The following FAM91A1 variants were observed in gnomAD, a reference collection of about 807,000 sequenced individuals.
FAM91A1 encodes family with sequence similarity 91 member A1, also known as protein FAM91A1.
FAM91A1 carries 41 observed loss-of-function variants against 113.5 expected under a neutral mutation model. The ratio of observed to expected loss-of-function variants is 0.36; its 90% CI spans 0.28 to 0.47. The LOEUF (loss-of-function observed/expected upper bound fraction) is 0.47. Among genes scored for constraint, FAM91A1 ranks in the 20% least tolerant of loss-of-function variants. The pLI is 1.00. For synonymous variants in FAM91A1, 307 were observed against 347.9 expected, an observed-to-expected ratio of 0.88 and a Z score of 1.31; for missense variants, 696 against 1,001.2, an observed-to-expected ratio of 0.70 and a Z score of 4.11.
At chr8:123,780,104 T>A in intron 7 of FAM91A1, 29 bp downstream of exon 7, 2 of 1,588,684 alleles carry the variant, frequency 1.3e-6, no homozygotes, top group Non-Finnish European at 8.6e-7. Context: ...TGGTCTTTTG[T>A]CAACATAAAA....
chr8:123,809,246 A>G (rs964781225), intron 22 of FAM91A1, among the ~76,000 whole-genome samples: 2 of 152,162 alleles, frequency 1.3e-5, no homozygotes, highest in African/African-American at 4.8e-5. Flanking sequence ...TTTTGATTAT[A>G]TTTATTTAGT....
chr8:123,802,862 C>T (rs1001582556), intron 18 of FAM91A1, among the ~76,000 whole-genome samples: 14 of 152,136 alleles, frequency 9.2e-5, no homozygotes, highest in African/African-American at 3.1e-4. Context: ...AGATAAAGTT[C>T]CCATCTTTTT....
rs1024669311 is a variant in FAM91A1, at chr8:123,799,647, T to G, written c.1688T>G (p.Ile563Arg). ...ACAAGACTTCGAAAACTGCCAGATA[T>G]ATTTCAGGTATGTGTGGGAGGTTTG... ...KGTRLRKLPDIFQSYDRLLIT... is the reference protein window; with the variant it reads ...KGTRLRKLPDRFQSYDRLLIT... Residue 563 changes from isoleucine to arginine, a missense_variant, in exon 17 of 24, where the codon ATA becomes AGA. Physicochemically the swap from Ile to Arg is moderately conservative, Grantham distance 97. Coordinates refer to ENST00000334705, the MANE Select transcript of FAM91A1 (RefSeq NM_144963.4). 1 of 1,613,854 alleles carries G rather than the reference T, an allele frequency of 6.2e-7. No individual in the cohort carries two copies. Among genetic ancestry groups the G allele is most frequent in the Non-Finnish European group, 8.5e-7 (1 of 1,179,940 alleles).
chr8:123,812,147 A>G (rs1051874899), intron 23 of FAM91A1: 5 of 154,744 alleles, frequency 3.2e-5, no homozygotes, highest in Non-Finnish European at 7.0e-5. Flanking sequence ...TGCTGGGATT[A>G]CAGGCGCACA....
At chr8:123,779,947 T>G (rs2130063994) in intron 6 of FAM91A1, 38 bp from the exon 7 acceptor site, 1 of 1,560,056 alleles carries the variant, frequency 6.4e-7, no homozygotes, top group South Asian at 1.1e-5. Context: ...TTAGTTAATT[T>G]GGACAGAACT....
intron 8 of FAM91A1, among the ~76,000 whole-genome samples, chr8:123,782,584 TTATGCTTGAATGGAA>T (rs1334753875): frequency 6.6e-6 from 1 of 152,244 alleles, no homozygotes; most frequent in Non-Finnish European, 1.5e-5. Flanking sequence ...CTGATTTCTG[TTATGCTTGAATGGAA>T]TACCTGTAGG....
intron 14 of FAM91A1, 68 bp downstream of exon 14, chr8:123,787,818 A>G (rs1175293753): frequency 3.2e-6 from 4 of 1,242,588 alleles, no homozygotes; most frequent in African/African-American, 1.5e-5. Flanking sequence ...ACAGAATGCC[A>G]ATTATACAGT....
Position 123,810,324 on chromosome 8 carries a change from A to C in FAM91A1, c.2304A>C (p.Gln768His). Residue 768 changes from glutamine to histidine, a missense_variant, in exon 23 of 24, where the codon CAA (glutamine) becomes CAC (histidine). Gln to His is a conservative substitution (Grantham distance 24, BLOSUM62 0). Transcript: ENST00000334705. The stretch of plus-strand genomic sequence containing the variant: ...ATTCCAGTAGAAAACTCTCTCTGCA[A>C]GTCCTTAACTTTGTTCACTCATTCC... Reference protein sequence around the residue: ...LLHSSRKLSLQVLNFVHSFQE... With the variant: ...LLHSSRKLSLHVLNFVHSFQE... The C allele has an allele frequency of 1.2e-6, 2 of 1,613,504 alleles. No homozygotes were observed. The highest frequency in any genetic ancestry group is 1.7e-6 in the Non-Finnish European group (2 of 1,179,774).
chr8:123,800,500 G>A (rs565940128), intron 18 of FAM91A1, among the ~76,000 whole-genome samples: 15 of 152,224 alleles, frequency 9.9e-5, no homozygotes, highest in Admixed American at 5.2e-4. Flanking sequence ...GGGGACTATT[G>A]TATTGAGTAT....
intron 8 of FAM91A1, among the ~76,000 whole-genome samples, chr8:123,782,245 A>T (rs1238789118): frequency 1.3e-5 from 2 of 152,180 alleles, no homozygotes; most frequent in Non-Finnish European, 2.9e-5. Context: ...GTACAGACAG[A>T]CCCATGGGAT....
Position 123,786,529 on chromosome 8 carries a change from T to C in FAM91A1, c.997T>C (p.Trp333Arg), listed in dbSNP as rs1474043888. The C allele has an allele frequency of 2.5e-6, 4 of 1,613,926 alleles. No homozygotes were observed. Among genetic ancestry groups the C allele is most frequent in the South Asian group, 1.1e-5 (1 of 91,066 alleles). Residue 333 changes from tryptophan to arginine, a missense_variant, in exon 12 of 24, where the codon TGG becomes CGG. Physicochemically the swap from Trp to Arg is moderately radical, Grantham distance 101 (BLOSUM62 -3). Coordinates refer to ENST00000334705, the MANE Select transcript of FAM91A1 (RefSeq NM_144963.4). Reference sequence around the variant, plus strand: ...AGATCCACAGAAGATGCTCTTGTCATGGGATGGAGGGGAAAGTAGGAGTCC... The same window carrying C: ...AGATCCACAGAAGATGCTCTTGTCACGGGATGGAGGGGAAAGTAGGAGTCC... ...TLDPQKMLLSWDGGESRSPVQ... is the reference protein window; with the variant it reads ...TLDPQKMLLSRDGGESRSPVQ...
intron 15 of FAM91A1, among the ~76,000 whole-genome samples, chr8:123,793,844 A>C (rs16898871): frequency 0.2 from 30,622 of 152,112 alleles, 3,363 homozygotes; most frequent in East Asian, 0.33. Context: ...GAAGGAGGAT[A>C]TAGCTACCTT....
At chr8:123,806,365 G>A (rs1378020955) in intron 20 of FAM91A1, 136 bp downstream of exon 20, 2 of 984,772 alleles carry the variant, frequency 2.0e-6, no homozygotes, top group Admixed American at 2.7e-5. Flanking sequence ...TGAAGCACGA[G>A]GAAATATTTT....
chr8:123,775,351 G>A, intron 3 of FAM91A1, 53 bp downstream of exon 3: 3 of 1,574,276 alleles, frequency 1.9e-6, no homozygotes, highest in Non-Finnish European at 2.6e-6. Context: ...CTACATGTCT[G>A]GGACTTTTTG....
intron 18 of FAM91A1, among the ~76,000 whole-genome samples, chr8:123,801,688 G>C (rs1815685928): frequency 6.6e-6 from 1 of 152,178 alleles, no homozygotes; most frequent in South Asian, 2.1e-4. Context: ...GGGGCAAGGA[G>C]AAGGGCTTAG....
At position 123,812,853 on chromosome 8, in the gene FAM91A1, C is replaced by G. The variant is rs1815991286; in HGVS notation, c.*149C>G. ...AAGTTGGGGAACATATTCATGTTTT[C>G]TGAAGTTTTGCTCATTATTGCACAT... On this transcript the variant is annotated 3_prime_UTR_variant, in exon 24 of 24. Coordinates refer to ENST00000334705, the MANE Select transcript of FAM91A1 (RefSeq NM_144963.4). 1 of 751,382 alleles carries G rather than the reference C, an allele frequency of 1.3e-6. No homozygotes were observed. The highest frequency in any genetic ancestry group is 1.8e-5 in the African/African-American group (1 of 54,680). The allele number at this position is 751,382 out of a possible 1,614,324, so 46.5% of individuals were successfully genotyped here.
chr8:123,801,611 A>C (rs73703664), intron 18 of FAM91A1, among the ~76,000 whole-genome samples: 2,942 of 152,312 alleles, frequency 0.019, 94 homozygotes, highest in African/African-American at 0.066. Flanking sequence ...ATAAGCACTC[A>C]GTTTCAGTTT....
At chr8:123,789,308 C>A (rs147841057) in intron 14 of FAM91A1, among the ~76,000 whole-genome samples, 2 of 152,112 alleles carry the variant, frequency 1.3e-5, no homozygotes, top group African/African-American at 4.8e-5. Flanking sequence ...GAGCAGAATA[C>A]GGGTTTTAGA....
intron 15 of FAM91A1, among the ~76,000 whole-genome samples, chr8:123,795,633 G>A (rs950796604): frequency 6.6e-6 from 1 of 152,242 alleles, no homozygotes; most frequent in East Asian, 1.9e-4. Flanking sequence ...TTACGCAGTC[G>A]GAGGTATTTC....
Sources: gnomAD v4.1 joint callset for allele counts (sites outside exome capture counted in the v4.1 genomes callset) on GRCh38, gnomAD v4.1.1 for gene constraint, MANE v1.5 for transcripts, NCBI Gene and HGNC (gene_info 2026-07-23, HGNC 2026-07-21) for gene names.